KIF26B: variants seen among roughly 807,000 people sequenced by gnomAD.
The protein encoded by KIF26B is kinesin family member 26B.
A neutral mutation model predicts 151.2 loss-of-function variants in KIF26B; 63 were observed. That is an observed-to-expected ratio of 0.42 (90% CI 0.34 to 0.51). KIF26B has a LOEUF of 0.51. Ranked by LOEUF, KIF26B falls within the 20% of genes least tolerant of loss-of-function variation. The pLI is 0.07. For synonymous variants in KIF26B, 1,357 were observed against 1,262.1 expected (o/e 1.08, Z -1.59); for missense variants, 2,813 against 2,913.6 (o/e 0.97, Z 0.79).
intron 2 of KIF26B, among the ~76,000 whole-genome samples, chr1:245,306,136 A>G (rs535902415): frequency 3.6e-4 from 55 of 152,276 alleles, no homozygotes; most frequent in African/African-American, 1.3e-3. Flanking sequence ...GCCCCCAAAT[A>G]GAAACAACCC....
At chr1:245,232,033 G>C (rs2103555354) in intron 2 of KIF26B, among the ~76,000 whole-genome samples, 1 of 152,300 alleles carries the variant, frequency 6.6e-6, no homozygotes, top group Admixed American at 6.5e-5. Context: ...CAAAATAACT[G>C]GTGGTTTGAA....
At chr1:245,689,172 C>T (rs1228415051) in intron 12 of KIF26B, among the ~76,000 whole-genome samples, 1 of 152,368 alleles carries the variant, frequency 6.6e-6, no homozygotes, top group South Asian at 2.1e-4. Context: ...GGCAGCATGA[C>T]CCGCACCTGC....
chr1:245,350,449 G>A (rs12075653), intron 2 of KIF26B, among the ~76,000 whole-genome samples: 30,376 of 151,958 alleles, frequency 0.2, 6,598 homozygotes, highest in African/African-American at 0.54. Flanking sequence ...CATTCTGCCA[G>A]TCCTGAAGAA....
intron 2 of KIF26B, among the ~76,000 whole-genome samples, chr1:245,261,002 C>T (rs1004859813): frequency 1.3e-5 from 2 of 150,970 alleles, no homozygotes; most frequent in African/African-American, 4.9e-5. Flanking sequence ...CCTTTCCTTC[C>T]CTTCCTTCCC....
At chr1:245,165,520 T>TC (rs1469447549) in intron 2 of KIF26B, among the ~76,000 whole-genome samples, 1 of 152,038 alleles carries the variant, frequency 6.6e-6, no homozygotes, top group Admixed American at 6.6e-5. Flanking sequence ...GAGATATGGA[T>TC]CTGGGGGATG....
intron 4 of KIF26B, among the ~76,000 whole-genome samples, chr1:245,426,396 C>T (rs1431155982): frequency 6.6e-6 from 1 of 152,192 alleles, no homozygotes; most frequent in Non-Finnish European, 1.5e-5. Flanking sequence ...TGTCTGCTTT[C>T]TCTTCCACAC....
chr1:245,582,404 C>T (rs1047325972), intron 5 of KIF26B, among the ~76,000 whole-genome samples: 1 of 152,092 alleles, frequency 6.6e-6, no homozygotes, highest in African/African-American at 2.4e-5. Context: ...TTACAACTTA[C>T]CAGGCCGTTA....
chr1:245,678,680 G>A (rs370572221), intron 10 of KIF26B, among the ~76,000 whole-genome samples: 33 of 151,994 alleles, frequency 2.2e-4, no homozygotes, highest in East Asian at 1.7e-3. Context: ...TGGCCAACAT[G>A]GTGAAATCCC....
At chr1:245,544,075 G>A (rs190008320) in intron 5 of KIF26B, among the ~76,000 whole-genome samples, 69 of 152,272 alleles carry the variant, frequency 4.5e-4, no homozygotes, top group Non-Finnish European at 8.8e-4. Flanking sequence ...CAAACTGCCT[G>A]ACCTCAGCGA....
chr1:245,497,905 A>G (rs1660544712), intron 4 of KIF26B, among the ~76,000 whole-genome samples: 2 of 152,134 alleles, frequency 1.3e-5, no homozygotes, highest in African/African-American at 4.8e-5. Flanking sequence ...CACCACACCC[A>G]GCTAATTTTT....
chr1:245,593,101 T>C (rs536475012), intron 5 of KIF26B, among the ~76,000 whole-genome samples: 121 of 152,308 alleles, frequency 7.9e-4, no homozygotes, highest in African/African-American at 2.7e-3. Context: ...GAAGAAGCAA[T>C]TTTAGATCAC....
chr1:245,649,371 A>G (rs2043989091), intron 10 of KIF26B, among the ~76,000 whole-genome samples: 1 of 152,100 alleles, frequency 6.6e-6, no homozygotes, highest in South Asian at 2.1e-4. Flanking sequence ...CTGCAGACCC[A>G]CGCCCACTTC....
intron 3 of KIF26B, chr1:245,370,626 G>A (rs1673092209): frequency 2.2e-6 from 1 of 456,606 alleles, no homozygotes; most frequent in South Asian, 1.5e-5. Context: ...AAGACTCGGC[G>A]GCTGCGCCAG....
In KIF26B at chr1:245,525,587, C is replaced by T. The variant is rs139492503; in HGVS notation, c.1167-15180C>T. ...TGTCAAAGCCTAGCTGTTGTGTAAA[C>T]GTGGGAATTCACACAAGGAAAAGAT... On this transcript the variant is annotated intron_variant, in intron 4 of 14. Coordinates refer to ENST00000407071, the MANE Select transcript of KIF26B (RefSeq NM_018012.4). Among the ~76,000 whole-genome samples the T allele has an allele frequency of 3.2e-4, 49 of 152,272 alleles. No individual in the cohort carries two copies. The East Asian group carries it at 8.1e-3, about 25-fold the overall frequency.
chr1:245,330,588 GAGTGGA>G, intron 2 of KIF26B, among the ~76,000 whole-genome samples: 1 of 6,680 alleles, frequency 1.5e-4, no homozygotes, highest in African/African-American at 9.5e-4. Flanking sequence ...GTGGGGGAGG[GAGTGGA>G]GGGAGAGTGG....
intron 10 of KIF26B, among the ~76,000 whole-genome samples, chr1:245,661,570 AT>A (rs1399450637): frequency 1.3e-5 from 2 of 151,544 alleles, no homozygotes; most frequent in African/African-American, 4.9e-5. Flanking sequence ...TGTTATATAT[AT>A]ATATACACAC....
At chr1:245,416,573 G>A (rs1176541537) in intron 3 of KIF26B, among the ~76,000 whole-genome samples, 1 of 152,074 alleles carries the variant, frequency 6.6e-6, no homozygotes, top group African/African-American at 2.4e-5. Flanking sequence ...GAACCGAAGT[G>A]GAGATACTGA....
At chr1:245,663,662 A>C (rs958795345) in intron 10 of KIF26B, among the ~76,000 whole-genome samples, 1 of 152,224 alleles carries the variant, frequency 6.6e-6, no homozygotes, top group African/African-American at 2.4e-5. Flanking sequence ...GTGCCAGTTG[A>C]GGATAGTCTA....
chr1:245,510,676 TCC>T (rs1660815168), intron 4 of KIF26B, among the ~76,000 whole-genome samples: 1 of 46,246 alleles, frequency 2.2e-5, no homozygotes, highest in Non-Finnish European at 4.5e-5. Context: ...CCTCCCTCCC[TCC>T]CTCTCTCTCT....
Sources: allele counts gnomAD v4.1 joint callset (sites outside exome capture counted in the v4.1 genomes callset), GRCh38; gene constraint gnomAD v4.1.1; transcripts MANE v1.5; gene names NCBI Gene and HGNC (gene_info 2026-07-23, HGNC 2026-07-21).